The following SETX variants were observed in gnomAD, a reference collection of about 807,000 sequenced individuals.
SETX encodes helicase senataxin.
A neutral mutation model predicts 227.2 loss-of-function variants in SETX; 90 were observed. That is an observed-to-expected ratio of 0.40 (90% CI 0.33 to 0.47). The LOEUF (loss-of-function observed/expected upper bound fraction) is 0.47. Among genes scored for constraint, SETX ranks in the 20% least tolerant of loss-of-function variants. The pLI, the probability that SETX is intolerant of heterozygous loss-of-function variation, is 0.91. For missense variants in SETX, 3,052 were observed against 3,181.5 expected (o/e 0.96, Z 0.98); for synonymous variants, 1,210 against 1,113.2 (o/e 1.09, Z -1.73).
chr9:132,346,592 C>G, intron 3 of SETX, 121 bp from the exon 4 acceptor site: 1 of 722,584 alleles, frequency 1.4e-6, no homozygotes, highest in Non-Finnish European at 2.4e-6. Context: ...AGTATTAGAG[C>G]TTGTATTTTA....
intron 3 of SETX, among the ~76,000 whole-genome samples, chr9:132,347,004 C>T (rs1848328509): frequency 6.6e-6 from 1 of 152,024 alleles, no homozygotes; most frequent in Non-Finnish European, 1.5e-5. Context: ...CCTGTAATCC[C>T]AGCACTTTGA....
intron 11 of SETX, among the ~76,000 whole-genome samples, chr9:132,308,527 GT>G (rs1244101061): frequency 6.6e-6 from 1 of 152,174 alleles, no homozygotes; most frequent in African/African-American, 2.4e-5. Flanking sequence ...CTGAAAAAAA[GT>G]GTTATGAGAT....
chr9:132,322,290 G>A, intron 10 of SETX, among the ~76,000 whole-genome samples: 1 of 151,920 alleles, frequency 6.6e-6, no homozygotes, highest in East Asian at 1.9e-4. Flanking sequence ...TAGTACTATG[G>A]TTTTATTTAC....
At chr9:132,319,481 C>T (rs1286369647) in intron 10 of SETX, among the ~76,000 whole-genome samples, 3 of 152,182 alleles carry the variant, frequency 2.0e-5, no homozygotes, top group Non-Finnish European at 4.4e-5. Context: ...GCTCTCATTT[C>T]TCCAATCTTA....
intron 6 of SETX, among the ~76,000 whole-genome samples, chr9:132,335,390 C>CAAA (rs1157691529): frequency 1.9e-5 from 1 of 51,992 alleles, no homozygotes; most frequent in African/African-American, 7.9e-5. Flanking sequence ...GACTCCGTCT[C>CAAA]AAAAAAAAAA....
chr9:132,329,365 G>T lies in SETX; in HGVS notation c.2233C>A (p.Arg745Ser). The T allele has an allele frequency of 6.2e-7, 1 of 1,613,940 alleles. No individual in the cohort carries two copies. Among genetic ancestry groups the T allele is most frequent in the Non-Finnish European group, 8.5e-7 (1 of 1,179,952 alleles). Residue 745 changes from arginine to serine, a missense_variant, in exon 10 of 26, where the codon CGT becomes AGT. Coordinates refer to ENST00000224140, the MANE Select transcript of SETX (RefSeq NM_015046.7). ...GCDRGIIVSTRLLTDSSTDAL... is the reference protein window; with the variant it reads ...GCDRGIIVSTSLLTDSSTDAL... Reference sequence around the variant, plus strand: ...TCAGTGCTAGAATCAGTCAACAAACGTGTTGATACTATTATTCCTCTGTCA... The same window carrying T: ...TCAGTGCTAGAATCAGTCAACAAACTTGTTGATACTATTATTCCTCTGTCA...
At chr9:132,312,442 T>G (rs1322793011) in intron 10 of SETX, among the ~76,000 whole-genome samples, 1 of 152,244 alleles carries the variant, frequency 6.6e-6, no homozygotes, top group East Asian at 1.9e-4. Flanking sequence ...AAAAGTCATA[T>G]TAGCTTTCAC....
intron 18 of SETX, among the ~76,000 whole-genome samples, chr9:132,283,976 G>A (rs1227368626): frequency 6.6e-6 from 1 of 152,152 alleles, no homozygotes; most frequent in Non-Finnish European, 1.5e-5. Flanking sequence ...CGTGAGTGAC[G>A]CCTCACAGTC....
intron 25 of SETX, among the ~76,000 whole-genome samples, chr9:132,265,622 T>C (rs1842611149): frequency 6.6e-6 from 1 of 152,164 alleles, no homozygotes; most frequent in Non-Finnish European, 1.5e-5. Flanking sequence ...TAAATTAAAA[T>C]AAAAAATTCT....
intron 13 of SETX, among the ~76,000 whole-genome samples, chr9:132,297,876 C>T (rs903936229): frequency 2.6e-5 from 4 of 152,110 alleles, no homozygotes; most frequent in African/African-American, 4.8e-5. Context: ...CAGCAACCTT[C>T]GACGCTTATT....
At chr9:132,266,443 AT>A (rs1695976151) in intron 25 of SETX, among the ~76,000 whole-genome samples, 1 of 152,108 alleles carries the variant, frequency 6.6e-6, no homozygotes, top group Non-Finnish European at 1.5e-5. Flanking sequence ...TTCTACAGAC[AT>A]TTTCTGATAA....
intron 10 of SETX, among the ~76,000 whole-genome samples, chr9:132,313,883 T>C (rs1254020902): frequency 6.6e-6 from 1 of 150,652 alleles, no homozygotes; most frequent in Non-Finnish European, 1.5e-5. Flanking sequence ...ACATTTAGAA[T>C]ACACTGAACA....
chr9:132,335,689 A>G (rs1189881248), intron 6 of SETX, among the ~76,000 whole-genome samples: 1 of 152,104 alleles, frequency 6.6e-6, no homozygotes, highest in Non-Finnish European at 1.5e-5. Context: ...TTAACAATCA[A>G]ATCCTATTTA....
chr9:132,319,658 C>T (rs1846205217), intron 10 of SETX, among the ~76,000 whole-genome samples: 1 of 152,200 alleles, frequency 6.6e-6, no homozygotes, highest in East Asian at 1.9e-4. Context: ...GTCTCAAGAG[C>T]AGCCTCCCAA....
Position 132,327,523 on chromosome 9 carries a change from G to C in SETX, c.4075C>G (p.Gln1359Glu). The C allele has an allele frequency of 6.2e-7, 1 of 1,613,868 alleles. No individual in the cohort carries two copies. Residue 1359 changes from glutamine (Q) to glutamate (E), a missense_variant, in exon 10 of 26, where the codon CAA (glutamine) becomes GAA (glutamate). Gln to Glu is a conservative substitution (Grantham distance 29). Transcript: ENST00000224140. Reference sequence around the variant, plus strand: ...TCAGAAAGTCTTCGTCTATTTTTTTGTGATTTGGGTCTGATCTGCCTTTGC... The same window carrying C: ...TCAGAAAGTCTTCGTCTATTTTTTTCTGATTTGGGTCTGATCTGCCTTTGC... The part of the protein sequence containing the change: ...QMQRQIRPKS[Q>E]KNRRRLSDCE...
In SETX at chr9:132,263,970, T is replaced by A. The variant is rs900537839; in HGVS notation, c.*269A>T. Reference sequence around the variant, plus strand: ...TTACAACATTCACTCCAGTCTGACCTCCTTGTCTATAGAAGACTAAGAGAT... The same window carrying A: ...TTACAACATTCACTCCAGTCTGACCACCTTGTCTATAGAAGACTAAGAGAT... On this transcript the variant is annotated 3_prime_UTR_variant, in exon 26 of 26. Transcript: ENST00000224140. 3 of 525,814 alleles carry A rather than the reference T, an allele frequency of 5.7e-6. No individual in the cohort carries two copies. Among genetic ancestry groups the A allele is most frequent in the Middle Eastern group, 5.1e-4 (1 of 1,960 alleles). 32.6% of individuals were successfully genotyped at this position (525,814 alleles called of 1,614,324 possible). A position where few individuals can be genotyped will look rare whatever the true frequency, so the allele number is the denominator to read the frequency against.
chr9:132,278,264 G>C lies in SETX; in HGVS notation c.6655-7C>G, dbSNP rs1382958994. ...AGCCATACTCCTGTGCTTTCTGTGA[G>C]GGGCAAAATAAAGCAACAGTTTCCA... On this transcript the variant is annotated splice_region_variant and splice_polypyrimidine_tract_variant and intron_variant, in intron 20 of 25. Coordinates refer to ENST00000224140, the MANE Select transcript of SETX (RefSeq NM_015046.7). 6.2e-7 allele frequency: 1 copy of C among 1,613,914 alleles called. No homozygotes were observed. The highest frequency in any genetic ancestry group is 1.7e-5 in the Admixed American group (1 of 59,986).
chr9:132,329,781 A>G lies in SETX; in HGVS notation c.1817T>C (p.Val606Ala). 1.2e-6 allele frequency: 2 copies of G among 1,614,124 alleles called. No individual in the cohort carries two copies. The highest frequency in any genetic ancestry group is 2.7e-5 in the African/African-American group (2 of 75,044). Reference protein sequence around the residue: ...KFKAPPCNTFVDLTSACKISP... With the variant: ...KFKAPPCNTFADLTSACKISP... The stretch of plus-strand genomic sequence containing the variant: ...GATTTTACATGCAGAAGTCAGATCC[A>G]CAAAAGTGTTACATGGAGGTGCTTT... Residue 606 changes from valine (V) to alanine (A), a missense_variant, in exon 10 of 26, where the codon GTG (valine) becomes GCG (alanine). Transcript: ENST00000224140.
At chr9:132,277,664 G>C (rs745401904) in intron 21 of SETX, among the ~76,000 whole-genome samples, 24 of 151,850 alleles carry the variant, frequency 1.6e-4, no homozygotes, top group Non-Finnish European at 2.9e-4. Context: ...ACTGAGTGTA[G>C]TCCCAGCTAC....
Sources: allele counts gnomAD v4.1 joint callset (sites outside exome capture counted in the v4.1 genomes callset), GRCh38; gene constraint gnomAD v4.1.1; transcripts MANE v1.5; gene names NCBI Gene and HGNC (gene_info 2026-07-23, HGNC 2026-07-21).